GJA3: variants seen among roughly 807,000 people sequenced by gnomAD.
The protein encoded by GJA3 is gap junction alpha-3 protein.
For synonymous variants in GJA3, 297 were observed against 292.6 expected (o/e 1.02, Z -0.15); for missense variants, 571 against 620.3 (o/e 0.92, Z 0.84).
At chr13:20,151,094 G>A (rs76570457) in intron 1 of GJA3, among the ~76,000 whole-genome samples, 316 of 135,474 alleles carry the variant, frequency 2.3e-3, no homozygotes, top group Non-Finnish European at 4.1e-3. Context: ...CATCAGAGAG[G>A]AAGGAGGGTG....
At position 20,142,697 on chromosome 13, in the gene GJA3, T is replaced by A; in HGVS notation, c.592A>T (p.Thr198Ser). ...AAGATGATGAAGATGGTCTTCTCCGTGGGCCTGGAGATGAAGCAGTCCACC... is the reference window on the plus strand; with the variant it reads ...AAGATGATGAAGATGGTCTTCTCCGAGGGCCTGGAGATGAAGCAGTCCACC... ...NTVDCFISRP[T>S]EKTIFIIFML... The change falls in exon 2 of 2, where the codon ACG (threonine) becomes TCG (serine). Residue 198 changes from threonine (T) to serine (S), a missense_variant. Thr to Ser is a moderately conservative substitution (Grantham distance 58). Coordinates refer to ENST00000241125, the MANE Select transcript of GJA3 (RefSeq NM_021954.4). 1 of 1,613,860 alleles carries A rather than the reference T, an allele frequency of 6.2e-7. No homozygotes were observed. Among genetic ancestry groups the A allele is most frequent in the South Asian group, 1.1e-5 (1 of 91,090 alleles).
At chr13:20,147,521 C>T (rs534110283) in intron 1 of GJA3, among the ~76,000 whole-genome samples, 2 of 152,202 alleles carry the variant, frequency 1.3e-5, no homozygotes, top group African/African-American at 4.8e-5. Flanking sequence ...GAACTTAGGA[C>T]AACACAACAG....
rs1283683205 is a variant in GJA3 at position 20,140,878 on chromosome 13, T to G, written c.*1103A>C. Reference sequence around the variant, plus strand: ...TCATAGATTCATCTGTATAAATAATTTTCCTGGCAACAGTAGTTCACTTTT... The same window carrying G: ...TCATAGATTCATCTGTATAAATAATGTTCCTGGCAACAGTAGTTCACTTTT... On this transcript the variant is annotated 3_prime_UTR_variant, in exon 2 of 2. Coordinates refer to ENST00000241125, the MANE Select transcript of GJA3 (RefSeq NM_021954.4). The G allele has an allele frequency of 6.6e-6, 1 of 152,226 alleles. No individual in the cohort carries two copies. Among genetic ancestry groups the G allele is most frequent in the African/African-American group, 2.4e-5 (1 of 41,454 alleles). 9.4% of individuals were successfully genotyped at this position (152,226 alleles called of 1,614,324 possible). A position where few individuals can be genotyped will look rare whatever the true frequency, so the allele number is the denominator to read the frequency against.
chr13:20,155,816 C>T (rs1195788516), intron 1 of GJA3, among the ~76,000 whole-genome samples: 2 of 151,840 alleles, frequency 1.3e-5, no homozygotes, highest in Non-Finnish European at 2.9e-5. Context: ...TACACATATA[C>T]AGTTTAAGAG....
intron 1 of GJA3, among the ~76,000 whole-genome samples, chr13:20,157,886 T>C (rs1958915172): frequency 6.6e-6 from 1 of 152,182 alleles, no homozygotes; most frequent in Non-Finnish European, 1.5e-5. Flanking sequence ...CTTTTTTTTT[T>C]TTTCTGTCAC....
In GJA3 at chr13:20,141,131, A is replaced by G. The variant is rs1566513745; in HGVS notation, c.*850T>C. Reference sequence around the variant, plus strand: ...TTCTAACAGTATTTAAAGAAAGAAAAACACTATTTTTCTTTCATTTTTCCT... The same window carrying G: ...TTCTAACAGTATTTAAAGAAAGAAAGACACTATTTTTCTTTCATTTTTCCT... On this transcript the variant is annotated 3_prime_UTR_variant, in exon 2 of 2. Transcript: ENST00000241125. 1 of 152,250 alleles carries G rather than the reference A, an allele frequency of 6.6e-6. No individual in the cohort carries two copies. The highest frequency in any genetic ancestry group is 1.5e-5 in the Non-Finnish European group (1 of 68,046). The allele number at this position is 152,250 out of a possible 1,614,324, so 9.4% of individuals were successfully genotyped here.
In GJA3 at chr13:20,139,755, A is replaced by C. The variant is rs1958796630; in HGVS notation, c.*2226T>G. The C allele has an allele frequency of 6.6e-6, 1 of 152,232 alleles. No homozygotes were observed. Among genetic ancestry groups the C allele is most frequent in the Non-Finnish European group, 1.5e-5 (1 of 68,034 alleles). The allele number at this position is 152,232 out of a possible 1,614,324, so 9.4% of individuals were successfully genotyped here. The stretch of plus-strand genomic sequence containing the variant: ...CTGGCATTTCCATAAACATATTGTG[A>C]CTAAATTCAATTTTAAAATGTAAAA... On this transcript the variant is annotated 3_prime_UTR_variant, in exon 2 of 2. Transcript: ENST00000241125.
chr13:20,147,053 G>A lies in GJA3; in HGVS notation c.-17-3748C>T, dbSNP rs147974233. Among the ~76,000 whole-genome samples, 487 of 152,352 alleles carry A rather than the reference G, an allele frequency of 3.2e-3. 3 individuals carry two copies. Among genetic ancestry groups the A allele is most frequent in the Non-Finnish European group, 4.5e-3 (306 of 68,038 alleles). ...AGTTCTGTCCAGTGAGTTGTAAGATGTCTGCTGGGGAATGTCTGGGAAAGC... is the reference window on the plus strand; with the variant it reads ...AGTTCTGTCCAGTGAGTTGTAAGATATCTGCTGGGGAATGTCTGGGAAAGC... On this transcript the variant is annotated intron_variant, in intron 1 of 1. Transcript: ENST00000241125.
chr13:20,142,991 C>T lies in GJA3; in HGVS notation c.298G>A (p.Val100Met), dbSNP rs1376480742. Residue 100 changes from valine to methionine, a missense_variant, in exon 2 of 2, where the codon GTG becomes ATG. By Grantham distance (21) the Val-to-Met change is conservative. Transcript: ENST00000241125. The stretch of plus-strand genomic sequence containing the variant: ...TCTTTCTTCTTCTCTTCCATGCGCA[C>T]GATGTGCAGCACGTGGCCCAGGTAG... Reference protein sequence around the residue: ...LIYLGHVLHIVRMEEKKKERE... With the variant: ...LIYLGHVLHIMRMEEKKKERE... The T allele has an allele frequency of 3.1e-6, 5 of 1,601,370 alleles. No individual in the cohort carries two copies. The highest frequency in any genetic ancestry group is 1.3e-5 in the African/African-American group (1 of 74,550).
At chr13:20,144,564 GCCCAC>G (rs968631390) in intron 1 of GJA3, among the ~76,000 whole-genome samples, 1 of 152,176 alleles carries the variant, frequency 6.6e-6, no homozygotes, top group Admixed American at 6.5e-5. Flanking sequence ...CCAGCTGCAG[GCCCAC>G]CCCCAGGCCC....
At position 20,142,797 on chromosome 13, in the gene GJA3, G is replaced by A. The variant is rs762785598; in HGVS notation, c.492C>T (p.Ile164=). The A allele has an allele frequency of 1.9e-6, 3 of 1,613,646 alleles. No homozygotes were observed. The highest frequency in any genetic ancestry group is 2.2e-5 in the East Asian group (1 of 44,886). Reference sequence around the variant, plus strand: ...AGCCGTACAGAAAGTACTGGCCGGCGATGAAGCCCACCTCGAACAGCGTCT... The same window carrying A: ...AGCCGTACAGAAAGTACTGGCCGGCAATGAAGCCCACCTCGAACAGCGTCT... ...IFKTLFEVGF[I]AGQYFLYGFE... Residue 164 remains isoleucine (I), a synonymous_variant, in exon 2 of 2, where the codon ATC becomes ATT. Transcript: ENST00000241125.
rs971897008 is a variant in GJA3 at position 20,139,071 on chromosome 13, G to A, written c.*2910C>T. 7.9e-5 allele frequency: 12 copies of A among 152,124 alleles called. No individual in the cohort carries two copies. Among genetic ancestry groups the A allele is most frequent in the South Asian group, 2.1e-4 (1 of 4,816 alleles). 9.4% of individuals were successfully genotyped at this position (152,124 alleles called of 1,614,324 possible). On this transcript the variant is annotated 3_prime_UTR_variant, in exon 2 of 2. Coordinates refer to ENST00000241125, the MANE Select transcript of GJA3 (RefSeq NM_021954.4). ...CTTTTGTAAATTTAAGGATTTATTC[G>A]TGTCAATTTTATTAAAAAATACAAG...
upstream of GJA3, among the ~76,000 whole-genome samples, chr13:20,161,316 G>A (rs1958936875): frequency 1.3e-5 from 2 of 152,110 alleles, no homozygotes; most frequent in Admixed American, 1.3e-4. Context: ...TGCCGCCTAC[G>A]CACTCCGGGG....
intron 1 of GJA3, among the ~76,000 whole-genome samples, chr13:20,158,634 G>A (rs1164115431): frequency 1.3e-5 from 2 of 151,856 alleles, no homozygotes; most frequent in Non-Finnish European, 2.9e-5. Context: ...GCAGTAGGCT[G>A]GGCGCGGTGG....
intron 1 of GJA3, among the ~76,000 whole-genome samples, chr13:20,157,083 G>A (rs895748518): frequency 7.2e-5 from 11 of 152,310 alleles, no homozygotes; most frequent in African/African-American, 2.4e-4. Flanking sequence ...AGACATTTTA[G>A]TGATGTGTTA....
At position 20,149,308 on chromosome 13, in the gene GJA3, C is replaced by A. The variant is rs189083274; in HGVS notation, c.-17-6003G>T. On this transcript the variant is annotated intron_variant, in intron 1 of 1. Coordinates refer to ENST00000241125, the MANE Select transcript of GJA3 (RefSeq NM_021954.4). ...AGGAGTTCAGGGGCAGCCTGGGCAACATAGCGAGACTTCCTCTGTACAAAA... is the reference window on the plus strand; with the variant it reads ...AGGAGTTCAGGGGCAGCCTGGGCAAAATAGCGAGACTTCCTCTGTACAAAA... Among the ~76,000 whole-genome samples the A allele has an allele frequency of 5.9e-5, 9 of 152,134 alleles. No homozygotes were observed. In the East Asian group the frequency reaches 1.4e-3, roughly 23 times the overall value.
At chr13:20,156,125 ATT>A (rs775272350) in intron 1 of GJA3, among the ~76,000 whole-genome samples, 3 of 152,064 alleles carry the variant, frequency 2.0e-5, no homozygotes, top group African/African-American at 7.2e-5. Flanking sequence ...TATTATTATT[ATT>A]TCTTTTATTT....
At chr13:20,154,846 T>C (rs1200801877) in intron 1 of GJA3, among the ~76,000 whole-genome samples, 1 of 152,172 alleles carries the variant, frequency 6.6e-6, no homozygotes, top group Non-Finnish European at 1.5e-5. Flanking sequence ...CTCTTTGTTA[T>C]GATTTAATTA....
chr13:20,143,982 G>A (rs1162397593), intron 1 of GJA3, among the ~76,000 whole-genome samples: 1 of 152,206 alleles, frequency 6.6e-6, no homozygotes, highest in African/African-American at 2.4e-5. Flanking sequence ...TGACAATGAA[G>A]TTGATACAGT....
Sources: gnomAD v4.1 joint callset for allele counts (sites outside exome capture counted in the v4.1 genomes callset) on GRCh38, gnomAD v4.1.1 for gene constraint, MANE v1.5 for transcripts, NCBI Gene and HGNC (gene_info 2026-07-23, HGNC 2026-07-21) for gene names.